Variants in AGAP1 observed in about 807,000 individuals in gnomAD.
AGAP1 encodes ArfGAP with GTPase domain, ankyrin repeat and PH domain 1.
Under a neutral mutation model 105.3 loss-of-function variants are expected in AGAP1, and 29 were observed. That is an observed-to-expected ratio of 0.28 (90% confidence interval 0.21 to 0.38). The LOEUF (loss-of-function observed/expected upper bound fraction) is 0.38. Ranked by LOEUF, AGAP1 falls within the 10% of genes least tolerant of loss-of-function variation. The probability of loss-of-function intolerance (pLI) is 1.00; values close to 1 mark genes in which losing one functional copy is unlikely to be tolerated. For synonymous variants in AGAP1, 509 were observed against 485.9 expected, an observed-to-expected ratio of 1.05 and a Z score of -0.63; for missense variants, 998 against 1,165.1, an observed-to-expected ratio of 0.86 and a Z score of 2.09.
In AGAP1 at chr2:235,872,488, C is replaced by T. The variant is rs1559590338; in HGVS notation, c.1051-10857C>T. ...GCAGAATCAAAAAGACTTAGGATCACAGGGGCCATTGGCACTCACTGACAG... is the reference window on the plus strand; with the variant it reads ...GCAGAATCAAAAAGACTTAGGATCATAGGGGCCATTGGCACTCACTGACAG... On this transcript the variant is annotated intron_variant, in intron 9 of 17. Transcript: ENST00000304032. The surrounding 1 kb of genome is among the most constrained non-coding windows in gnomAD (Gnocchi z 4.5). Among the ~76,000 whole-genome samples the T allele has an allele frequency of 6.6e-6, 1 of 152,156 alleles. No individual in the cohort carries two copies.
chr2:236,127,265 T>C lies in AGAP1; in HGVS notation c.*3143T>C, dbSNP rs1238223051. 3 of 152,158 alleles carry C rather than the reference T, an allele frequency of 2.0e-5. No individual in the cohort carries two copies. Among genetic ancestry groups the C allele is most frequent in the African/African-American group, 7.2e-5 (3 of 41,440 alleles). 9.4% of individuals were successfully genotyped at this position (152,158 alleles called of 1,614,324 possible). A position where few individuals can be genotyped will look rare whatever the true frequency, so the allele number is the denominator to read the frequency against. On this transcript the variant is annotated 3_prime_UTR_variant, in exon 18 of 18. Transcript: ENST00000304032. This position sits in a 1 kb window ranked among gnomAD's most constrained non-coding sequence, Gnocchi z 6.6. ...GACCTCAGGTGCTGGGACGGGCAGA[T>C]GGTTTCCCCCGCCCAGCACCCCAGT...
At chr2:235,727,671 T>A (rs1025794275) in intron 3 of AGAP1, among the ~76,000 whole-genome samples, 1 of 152,210 alleles carries the variant, frequency 6.6e-6, no homozygotes, top group Admixed American at 6.5e-5. Flanking sequence ...ATCAACCGCA[T>A]TAGCTCACCA....
At chr2:235,638,440 A>G (rs1255298336) in intron 1 of AGAP1, among the ~76,000 whole-genome samples, 1 of 152,232 alleles carries the variant, frequency 6.6e-6, no homozygotes, top group African/African-American at 2.4e-5. Flanking sequence ...GTGTGCTCCA[A>G]GAACAAATTG....
chr2:235,922,381 A>G lies in AGAP1; in HGVS notation c.1325-8384A>G, dbSNP rs956946117. Reference sequence around the variant, plus strand: ...TTGGCTTTTTCCCCGCCCTCTTTCTATGTACATGAAAGTTCCTATCGCCAT... The same window carrying G: ...TTGGCTTTTTCCCCGCCCTCTTTCTGTGTACATGAAAGTTCCTATCGCCAT... On this transcript the variant is annotated intron_variant, in intron 11 of 17. Transcript: ENST00000304032. Among the ~76,000 whole-genome samples the G allele has an allele frequency of 5.3e-5, 8 of 152,164 alleles. No homozygotes were observed. The East Asian group carries it at 5.8e-4, about 11-fold the overall frequency.
intron 1 of AGAP1, among the ~76,000 whole-genome samples, chr2:235,587,541 C>T (rs1436663359): frequency 6.6e-6 from 1 of 151,926 alleles, no homozygotes; most frequent in Non-Finnish European, 1.5e-5. Context: ...CACTTGAGGT[C>T]AGGAGTTTGC....
Position 236,114,125 on chromosome 2 carries a change from C to A in AGAP1, c.2115-6067C>A, listed in dbSNP as rs1478187847. On this transcript the variant is annotated intron_variant, in intron 16 of 17. Transcript: ENST00000304032. This position sits in a 1 kb window ranked among gnomAD's most constrained non-coding sequence, Gnocchi z 5.0. ...CGCGCCAATAATTCATTTTTTAGCT[C>A]ATTAGCTAACGGAGGCTGTGAACGG... Among the ~76,000 whole-genome samples the A allele has an allele frequency of 6.6e-6, 1 of 152,042 alleles. No homozygotes were observed. The highest frequency in any genetic ancestry group is 1.9e-4 in the East Asian group (1 of 5,172).
At chr2:235,717,440 G>A (rs1951172450) in intron 2 of AGAP1, 117 bp from the exon 3 acceptor site, 3 of 758,742 alleles carry the variant, frequency 4.0e-6, no homozygotes, top group Middle Eastern at 2.4e-4. Context: ...TGGCCATCCA[G>A]CCAGTGCTTG....
intron 16 of AGAP1, among the ~76,000 whole-genome samples, chr2:236,079,567 CACAT>C (rs1430831923): frequency 6.6e-6 from 1 of 150,918 alleles, no homozygotes; most frequent in Non-Finnish European, 1.5e-5. Flanking sequence ...CACACACACA[CACAT>C]ACATACACAC....
At chr2:236,079,888 T>C (rs1044304236) in intron 16 of AGAP1, among the ~76,000 whole-genome samples, 5 of 152,198 alleles carry the variant, frequency 3.3e-5, no homozygotes, top group Admixed American at 6.5e-5. Context: ...AGTTTGAGAT[T>C]TTACTTACCT....
Position 236,051,334 on chromosome 2 carries a change from G to A in AGAP1, c.2114+2053G>A, listed in dbSNP as rs1017796983. 2.0e-5 allele frequency among the ~76,000 whole-genome samples: 3 copies of A among 152,216 alleles called. No homozygotes were observed. The highest frequency in any genetic ancestry group is 2.9e-5 in the Non-Finnish European group (2 of 68,044). ...GCACACTTTCTCGTAGAAAAGCAAC[G>A]GTGAGTGATGATTGCAGTTCCCTGG... On this transcript the variant is annotated intron_variant, in intron 16 of 17. Transcript: ENST00000304032. This position sits in a 1 kb window ranked among gnomAD's most constrained non-coding sequence, Gnocchi z 5.9.
chr2:235,760,078 TAAATAC>T (rs2149777007), intron 6 of AGAP1, among the ~76,000 whole-genome samples: 1 of 152,226 alleles, frequency 6.6e-6, no homozygotes, highest in East Asian at 1.9e-4. Flanking sequence ...ATTCACTCGG[TAAATAC>T]AAATACAGAA....
chr2:235,919,386 C>T lies in AGAP1; in HGVS notation c.1324+10480C>T, dbSNP rs1363761603. On this transcript the variant is annotated intron_variant, in intron 11 of 17. Coordinates refer to ENST00000304032, the MANE Select transcript of AGAP1 (RefSeq NM_001037131.3). This position sits in a 1 kb window ranked among gnomAD's most constrained non-coding sequence, Gnocchi z 4.1. The stretch of plus-strand genomic sequence containing the variant: ...TTTGAGTTACCACTCATATAGTGAA[C>T]GTTTGCGTTTCTGGAGTATTTCTAG... Among the ~76,000 whole-genome samples, 2 of 152,158 alleles carry T rather than the reference C, an allele frequency of 1.3e-5. No homozygotes were observed. The highest frequency in any genetic ancestry group is 2.4e-5 in the African/African-American group (1 of 41,432).
At chr2:235,946,417 G>C (rs942357856) in intron 12 of AGAP1, among the ~76,000 whole-genome samples, 1 of 151,214 alleles carries the variant, frequency 6.6e-6, no homozygotes, top group South Asian at 2.1e-4. Flanking sequence ...TGATCCACCT[G>C]CCTCGGCCTC....
At position 235,753,040 on chromosome 2, in the gene AGAP1, T is replaced by C. The variant is rs1953588650; in HGVS notation, c.673+2552T>C. On this transcript the variant is annotated intron_variant, in intron 6 of 17. Transcript: ENST00000304032. This position sits in a 1 kb window ranked among gnomAD's most constrained non-coding sequence, Gnocchi z 4.5. ...CCTTCCCATAAAGGCACTTAACCCATCACAGGGTTCCACCCTTGTGATCAG... is the reference window on the plus strand; with the variant it reads ...CCTTCCCATAAAGGCACTTAACCCACCACAGGGTTCCACCCTTGTGATCAG... Among the ~76,000 whole-genome samples the C allele has an allele frequency of 6.6e-6, 1 of 152,140 alleles. No homozygotes were observed. The highest frequency in any genetic ancestry group is 2.4e-5 in the African/African-American group (1 of 41,434).
intron 1 of AGAP1, among the ~76,000 whole-genome samples, chr2:235,630,870 G>A (rs1478786231): frequency 6.6e-6 from 1 of 152,172 alleles, no homozygotes; most frequent in Non-Finnish European, 1.5e-5. Flanking sequence ...TGAGGTCTGT[G>A]TGCTGGCCCA....
intron 6 of AGAP1, among the ~76,000 whole-genome samples, chr2:235,772,904 T>C (rs1372553431): frequency 4.6e-5 from 7 of 152,182 alleles, no homozygotes; most frequent in Admixed American, 4.6e-4. Context: ...TCGGGATGGC[T>C]CTGTTTGATT....
rs144665342 is a variant in AGAP1, at chr2:235,800,932, G to A, written c.957+1410G>A. Among the ~76,000 whole-genome samples the A allele has an allele frequency of 2.0e-4, 31 of 152,326 alleles. No homozygotes were observed. In the East Asian group the frequency reaches 5.8e-3, roughly 28 times the overall value. On this transcript the variant is annotated intron_variant, in intron 8 of 17. Coordinates refer to ENST00000304032, the MANE Select transcript of AGAP1 (RefSeq NM_001037131.3). ...GACCCAGATGCAAAGCTCTAGAGGG[G>A]TGGCTGGGAGTCAGATTTGCTGCCC...
Position 235,931,941 on chromosome 2 carries a change from C to T in AGAP1, c.1483+1018C>T, listed in dbSNP as rs1220068523. On this transcript the variant is annotated intron_variant, in intron 12 of 17. Transcript: ENST00000304032. This position sits in a 1 kb window ranked among gnomAD's most constrained non-coding sequence, Gnocchi z 5.6. ...AGCGTCACGCGGCTGCCCCGGCTGG[C>T]CCATTCCCATCCCAGCGCCAGGGCT... 1.3e-5 allele frequency among the ~76,000 whole-genome samples: 2 copies of T among 152,122 alleles called. No homozygotes were observed. The highest frequency in any genetic ancestry group is 2.9e-5 in the Non-Finnish European group (2 of 68,032).
At position 235,608,914 on chromosome 2, in the gene AGAP1, T is replaced by C. The variant is rs1946037594; in HGVS notation, c.164-100265T>C. ...AAAACCTTTCAGCTTGTTCTTGACT[T>C]CCCCCCCATCCCTAATACCCCCAAC... is the stretch of plus-strand genomic sequence containing the variant. On this transcript the variant is annotated intron_variant, in intron 1 of 17. Transcript: ENST00000304032. This position sits in a 1 kb window ranked among gnomAD's most constrained non-coding sequence, Gnocchi z 5.4. Among the ~76,000 whole-genome samples, 2 of 151,294 alleles carry C rather than the reference T, an allele frequency of 1.3e-5. No individual in the cohort carries two copies. Among genetic ancestry groups the C allele is most frequent in the South Asian group, 4.2e-4 (2 of 4,782 alleles).
Sources: gnomAD v4.1 joint callset for allele counts (sites outside exome capture counted in the v4.1 genomes callset) on GRCh38, gnomAD v4.1.1 for gene constraint, Gnocchi (gnomAD v3.1) non-coding constraint, MANE v1.5 for transcripts, NCBI Gene and HGNC (gene_info 2026-07-23, HGNC 2026-07-21) for gene names.